Variants in PBX1 observed in about 807,000 individuals in gnomAD.
The protein encoded by PBX1 is PBX homeobox 1.
Under a neutral mutation model 53.4 loss-of-function variants are expected in PBX1, and 6 were observed. The observed-to-expected ratio is 0.11, with a 90% CI of 0.06 to 0.22. The LOEUF (loss-of-function observed/expected upper bound fraction) is 0.22. Ranked by LOEUF, PBX1 falls within the 10% of genes least tolerant of loss-of-function variation. PBX1 has a pLI of 1.00. For synonymous variants in PBX1, 204 were observed against 212.3 expected (o/e 0.96, Z 0.34); for missense variants, 251 against 551.4 (o/e 0.46, Z 5.46).
chr1:164,800,898 C>A (rs571849179), intron 4 of PBX1, among the ~76,000 whole-genome samples: 9 of 152,258 alleles, frequency 5.9e-5, no homozygotes, highest in African/African-American at 2.2e-4. Flanking sequence ...AATTTTGCCT[C>A]TTTTCAATGA....
intron 2 of PBX1, among the ~76,000 whole-genome samples, chr1:164,612,767 C>T (rs188856519): frequency 6.6e-6 from 1 of 152,258 alleles, no homozygotes; most frequent in East Asian, 1.9e-4. Context: ...TCCCTCTCCC[C>T]TTCTGGAGGT....
At chr1:164,594,158 CT>C (rs1655593138) in intron 2 of PBX1, among the ~76,000 whole-genome samples, 1 of 152,180 alleles carries the variant, frequency 6.6e-6, no homozygotes, top group African/African-American at 2.4e-5. Flanking sequence ...CGTTGAGCCT[CT>C]ATAAAGACAT....
intron 2 of PBX1, among the ~76,000 whole-genome samples, chr1:164,880,203 C>T (rs2102464566): frequency 6.6e-6 from 1 of 152,298 alleles, no homozygotes. Flanking sequence ...TCAACAAGCA[C>T]ATGTTGGGCA....
At chr1:164,598,275 T>G (rs1019384181) in intron 2 of PBX1, among the ~76,000 whole-genome samples, 6 of 152,090 alleles carry the variant, frequency 3.9e-5, no homozygotes. Context: ...GCTACTAGAG[T>G]AAGAATTCTT....
intron 2 of PBX1, among the ~76,000 whole-genome samples, chr1:164,624,159 C>T (rs996993007): frequency 1.3e-5 from 2 of 152,208 alleles, no homozygotes; most frequent in Non-Finnish European, 2.9e-5. Flanking sequence ...GCAATTGCTA[C>T]TGTTGCCATT....
intron 8 of PBX1, among the ~76,000 whole-genome samples, chr1:164,825,839 A>G (rs980536567): frequency 6.6e-6 from 1 of 152,172 alleles, no homozygotes; most frequent in East Asian, 1.9e-4. Context: ...AAAAGTATAT[A>G]TACCTGTTTG....
At chr1:164,676,477 A>G (rs1393271451) in intron 2 of PBX1, among the ~76,000 whole-genome samples, 3 of 152,218 alleles carry the variant, frequency 2.0e-5, no homozygotes, top group Non-Finnish European at 4.4e-5. Flanking sequence ...GGTGGAAACT[A>G]GAACACCATG....
chr1:164,754,426 C>G (rs1452856503), intron 2 of PBX1, among the ~76,000 whole-genome samples: 1 of 152,192 alleles, frequency 6.6e-6, no homozygotes, highest in Non-Finnish European at 1.5e-5. Context: ...ATACATCTTC[C>G]TAAATGTGAC....
intron 2 of PBX1, among the ~76,000 whole-genome samples, chr1:164,721,113 C>A (rs142882320): frequency 6.6e-6 from 1 of 152,172 alleles, no homozygotes; most frequent in East Asian, 1.9e-4. Flanking sequence ...TCTAATCCTG[C>A]GAGTCTGTAA....
chr1:164,772,420 A>C (rs1667419812), intron 2 of PBX1, among the ~76,000 whole-genome samples: 1 of 152,240 alleles, frequency 6.6e-6, no homozygotes, highest in South Asian at 2.1e-4. Context: ...TAGGAAAATA[A>C]ATTTGAGAGG....
chr1:164,802,496 G>A (rs556513691), intron 4 of PBX1, among the ~76,000 whole-genome samples: 7 of 152,250 alleles, frequency 4.6e-5, no homozygotes, highest in African/African-American at 1.7e-4. Context: ...TCTTCCTGAG[G>A]GCCAGCAGGA....
At chr1:164,729,019 C>T (rs1253871486) in intron 2 of PBX1, among the ~76,000 whole-genome samples, 1 of 152,198 alleles carries the variant, frequency 6.6e-6, no homozygotes, top group Non-Finnish European at 1.5e-5. Flanking sequence ...CGTTTATACT[C>T]TTCTCTGTTC....
rs1230820553 is a variant in PBX1, at chr1:164,849,000, A to G, written c.*2324A>G. Reference sequence around the variant, plus strand: ...TCAGCCCTAATCAGAACAGATGCCTAGAAGGAGCATTTTTGTGACAACTTC... The same window carrying G: ...TCAGCCCTAATCAGAACAGATGCCTGGAAGGAGCATTTTTGTGACAACTTC... On this transcript the variant is annotated 3_prime_UTR_variant, in exon 9 of 9. Transcript: ENST00000420696. 8.6e-7 allele frequency: 1 copy of G among 1,162,600 alleles called. No individual in the cohort carries two copies. The highest frequency in any genetic ancestry group is 1.5e-5 in the African/African-American group (1 of 64,666). The allele number at this position is 1,162,600 out of a possible 1,614,324, so 72.0% of individuals were successfully genotyped here. A position where few individuals can be genotyped will look rare whatever the true frequency, so the allele number is the denominator to read the frequency against.
chr1:164,643,254 G>T (rs774156764), intron 2 of PBX1, among the ~76,000 whole-genome samples: 3 of 152,130 alleles, frequency 2.0e-5, no homozygotes, highest in Non-Finnish European at 4.4e-5. Context: ...CCCTACCCCC[G>T]TGACAGGGTG....
chr1:164,658,278 C>T (rs1400506833), intron 2 of PBX1, among the ~76,000 whole-genome samples: 26 of 152,104 alleles, frequency 1.7e-4, no homozygotes. Context: ...GACCCTATAC[C>T]CCAACACCAG....
rs59079962 is a variant in PBX1 at position 164,575,847 on chromosome 1, ACATCT to A, written c.265+12537_265+12541del. On this transcript the variant is annotated intron_variant, in intron 2 of 8. Transcript: ENST00000420696. The stretch of plus-strand genomic sequence containing the variant: ...CTTACTAGGGTGCCTGTAATACCTA[ACATCT>A]TGGGAAGGAAATGTCTGGGTGGGTG... Among the ~76,000 whole-genome samples the A allele has an allele frequency of 7.5e-3, 1,132 of 150,372 alleles. 23 individuals are homozygous for A. Among genetic ancestry groups the A allele is most frequent in the African/African-American group, 0.027 (1,091 of 41,060 alleles).
At chr1:164,806,605 G>T (rs1669364715) in intron 4 of PBX1, among the ~76,000 whole-genome samples, 1 of 152,206 alleles carries the variant, frequency 6.6e-6, no homozygotes, top group African/African-American at 2.4e-5. Flanking sequence ...GAGAGATTGG[G>T]TTTTGTAGTG....
At chr1:164,656,841 ATATAT>A (rs916079393) in intron 2 of PBX1, among the ~76,000 whole-genome samples, 5 of 152,072 alleles carry the variant, frequency 3.3e-5, no homozygotes, top group African/African-American at 4.8e-5. Flanking sequence ...ATCCTATTAC[ATATAT>A]TATATTATCA....
chr1:164,699,591 C>G (rs2102044233), intron 2 of PBX1, among the ~76,000 whole-genome samples: 1 of 152,238 alleles, frequency 6.6e-6, no homozygotes, highest in South Asian at 2.1e-4. Flanking sequence ...AATATCAGCC[C>G]TTTTCTAAAG....
Sources: gnomAD v4.1 joint callset for allele counts (sites outside exome capture counted in the v4.1 genomes callset) on GRCh38, gnomAD v4.1.1 for gene constraint, MANE v1.5 for transcripts, NCBI Gene and HGNC (gene_info 2026-07-23, HGNC 2026-07-21) for gene names.